Variants in ARL13B observed in about 807,000 individuals in gnomAD.
ARL13B encodes the protein ADP-ribosylation factor-like protein 13B.
In ARL13B, 36 loss-of-function variants were observed where a neutral mutation model predicts 56.1. That is an observed-to-expected ratio of 0.64 (90% CI 0.49 to 0.85). The LOEUF (loss-of-function observed/expected upper bound fraction) is 0.85, where lower values mean the gene tolerates loss of function less well. ARL13B is among the 40% of genes least tolerant of loss of function. ARL13B has a pLI of 0.00. For missense variants in ARL13B, 519 were observed against 507.1 expected (o/e 1.02, Z -0.23); for synonymous variants, 178 against 171.1 (o/e 1.04, Z -0.32).
chr3:94,014,505 A>G (rs1262191776), intron 3 of ARL13B: 20 of 1,611,960 alleles, frequency 1.2e-5, no homozygotes, highest in Non-Finnish European at 1.5e-5. Flanking sequence ...CTTTTGTACT[A>G]TTCACTGTCA....
chr3:94,010,765 A>G (rs1434726866), intron 3 of ARL13B, among the ~76,000 whole-genome samples: 1 of 152,092 alleles, frequency 6.6e-6, no homozygotes, highest in Non-Finnish European at 1.5e-5. Context: ...GTCTTGCTTT[A>G]AAAGCAGTAT....
chr3:94,019,100 A>G (rs2076394801), intron 3 of ARL13B, among the ~76,000 whole-genome samples: 1 of 151,770 alleles, frequency 6.6e-6, no homozygotes, highest in Admixed American at 6.6e-5. Context: ...TCTACATTTC[A>G]TATGCAAGCA....
chr3:94,039,800 CT>C (rs2076831290), intron 5 of ARL13B, 79 bp from the exon 6 acceptor site: 1 of 1,150,312 alleles, frequency 8.7e-7, no homozygotes. Context: ...ATGTAATAGC[CT>C]TATACCTATT....
intron 2 of ARL13B, among the ~76,000 whole-genome samples, chr3:93,996,311 A>G (rs1023149681): frequency 1.3e-5 from 2 of 152,164 alleles, no homozygotes; most frequent in African/African-American, 4.8e-5. Context: ...TCACATGCCT[A>G]TGCTTAGATG....
intron 8 of ARL13B, 67 bp from the exon 9 acceptor site, chr3:94,050,757 A>T (rs1031266873): frequency 6.1e-6 from 8 of 1,312,398 alleles, no homozygotes; most frequent in Non-Finnish European, 6.5e-6. Context: ...CCAGGGAGGG[A>T]TCCTCTCAAC....
chr3:94,012,229 A>T (rs1433623602), intron 3 of ARL13B, among the ~76,000 whole-genome samples: 1 of 152,104 alleles, frequency 6.6e-6, no homozygotes, highest in African/African-American at 2.4e-5. Flanking sequence ...CCAAATCTGT[A>T]CTTCTGGTCC....
At chr3:93,983,266 ATCAAG>A (rs1388552187) in intron 1 of ARL13B, among the ~76,000 whole-genome samples, 1 of 152,186 alleles carries the variant, frequency 6.6e-6, no homozygotes, top group Non-Finnish European at 1.5e-5. Flanking sequence ...GGAGTCAGAG[ATCAAG>A]TGTTAAGGCA....
At chr3:94,050,957 T>C in intron 9 of ARL13B, 65 bp downstream of exon 9, 2 of 1,473,042 alleles carry the variant, frequency 1.4e-6, no homozygotes, top group East Asian at 2.3e-5. Context: ...TCTTTAGCCT[T>C]ATAATTTCAA....
chr3:94,014,554 A>G, intron 3 of ARL13B: 1 of 1,612,798 alleles, frequency 6.2e-7, no homozygotes, highest in Non-Finnish European at 8.5e-7. Context: ...TTCCTCTACT[A>G]AAAGAGATAT....
chr3:94,025,782 C>G (rs2076544000), intron 3 of ARL13B, among the ~76,000 whole-genome samples: 1 of 152,094 alleles, frequency 6.6e-6, no homozygotes, highest in African/African-American at 2.4e-5. Flanking sequence ...TATCTCACTT[C>G]CTGCTATAAT....
rs1160864405 is a variant in ARL13B at position 94,003,789 on chromosome 3, T to C, written c.261T>C (p.Ala87=). 1 of 1,613,794 alleles carries C rather than the reference T, an allele frequency of 6.2e-7. No individual in the cohort carries two copies. Among genetic ancestry groups the C allele is most frequent in the Admixed American group, 1.7e-5 (1 of 60,016 alleles). Residue 87 remains alanine, a synonymous_variant, in exon 3 of 10, where the codon GCT becomes GCC. Transcript: ENST00000394222. ...RIRGIWKNYY[A]ESYGVIFVVD... ...GGGGAATCTGGAAGAATTACTATGCTGAATCCTATGGGGTAATATTTGTTG... is the reference window on the plus strand; with the variant it reads ...GGGGAATCTGGAAGAATTACTATGCCGAATCCTATGGGGTAATATTTGTTG...
At chr3:94,018,117 T>C (rs935648711) in intron 3 of ARL13B, among the ~76,000 whole-genome samples, 1 of 152,178 alleles carries the variant, frequency 6.6e-6, no homozygotes, top group Admixed American at 6.5e-5. Flanking sequence ...AGGCCGGTCT[T>C]GAACTCCTGG....
chr3:94,027,317 C>A (rs1260155480), intron 3 of ARL13B, among the ~76,000 whole-genome samples: 1 of 151,942 alleles, frequency 6.6e-6, no homozygotes. Context: ...TTGCAAATTG[C>A]ATATATTGTC....
chr3:93,990,415 T>C (rs1390514592), intron 1 of ARL13B, among the ~76,000 whole-genome samples: 1 of 152,056 alleles, frequency 6.6e-6, no homozygotes, highest in East Asian at 1.9e-4. Flanking sequence ...TGAAGTATCT[T>C]GGGAATGGCC....
chr3:93,996,038 A>T, intron 2 of ARL13B, 94 bp downstream of exon 2: 2 of 1,273,058 alleles, frequency 1.6e-6, no homozygotes, highest in Middle Eastern at 2.3e-4. Flanking sequence ...TTAATTTGGT[A>T]CAGATACTGT....
chr3:94,009,579 T>C lies in ARL13B; in HGVS notation c.380+5671T>C, dbSNP rs551395716. 3.3e-5 allele frequency among the ~76,000 whole-genome samples: 5 copies of C among 152,226 alleles called. No individual in the cohort carries two copies. The South Asian group carries it at 6.2e-4, about 19-fold the overall frequency. On this transcript the variant is annotated intron_variant, in intron 3 of 9. Transcript: ENST00000394222. The stretch of plus-strand genomic sequence containing the variant: ...TTAGAATGCTGGAGACCTATAGATA[T>C]GGAATTACGGTCTGCCTATGTCACA...
chr3:94,043,792 G>C (rs976359225), intron 7 of ARL13B, among the ~76,000 whole-genome samples: 7 of 144,056 alleles, frequency 4.9e-5, no homozygotes, highest in African/African-American at 1.6e-4. Context: ...CGAGTGCCTG[G>C]GATTCCAGGC....
At chr3:94,052,278 GATGA>G (rs1297952748) in intron 9 of ARL13B, among the ~76,000 whole-genome samples, 1 of 152,042 alleles carries the variant, frequency 6.6e-6, no homozygotes, top group African/African-American at 2.4e-5. Context: ...GTAATAACAA[GATGA>G]ATAAGATGTA....
chr3:94,046,924 G>A (rs1416275896), intron 7 of ARL13B, among the ~76,000 whole-genome samples: 1 of 151,946 alleles, frequency 6.6e-6, no homozygotes, highest in South Asian at 2.1e-4. Context: ...GTATCGTAGG[G>A]ATATAGCCTG....
Sources: gnomAD v4.1 joint callset for allele counts (sites outside exome capture counted in the v4.1 genomes callset) on GRCh38, gnomAD v4.1.1 for gene constraint, MANE v1.5 for transcripts, NCBI Gene and HGNC (gene_info 2026-07-23, HGNC 2026-07-21) for gene names.